Variants in CDH4 observed in about 807,000 individuals in gnomAD.
The protein encoded by CDH4 is cadherin 4, also known as cadherin-4.
In CDH4, 33 loss-of-function variants were observed where a neutral mutation model predicts 86.0. The ratio of observed to expected loss-of-function variants is 0.38; its 90% CI spans 0.29 to 0.51. The LOEUF (loss-of-function observed/expected upper bound fraction) is 0.51. Ranked by LOEUF, CDH4 falls within the 20% of genes least tolerant of loss-of-function variation. The pLI, the probability that CDH4 is intolerant of heterozygous loss-of-function variation, is 0.86. For missense variants in CDH4, 1,114 were observed against 1,307.4 expected (o/e 0.85, Z 2.28); for synonymous variants, 555 against 549.4 (o/e 1.01, Z -0.14).
At chr20:61,525,313 G>A (rs1487720521) in intron 2 of CDH4, among the ~76,000 whole-genome samples, 1 of 152,178 alleles carries the variant, frequency 6.6e-6, no homozygotes, top group Non-Finnish European at 1.5e-5. Flanking sequence ...GAGAAAGAGG[G>A]TCAGGAGGGG....
intron 2 of CDH4, among the ~76,000 whole-genome samples, chr20:61,312,694 C>T (rs1468009984): frequency 6.6e-6 from 1 of 152,098 alleles, no homozygotes; most frequent in Non-Finnish European, 1.5e-5. Context: ...TCTTTGCACA[C>T]GTCACTCCTT....
At chr20:61,657,058 C>CAGACGCCTGG (rs1462493411) in intron 2 of CDH4, among the ~76,000 whole-genome samples, 3 of 152,234 alleles carry the variant, frequency 2.0e-5, no homozygotes, top group Non-Finnish European at 4.4e-5. Context: ...TGGGCCAGAG[C>CAGACGCCTGG]AGACGCCTGG....
chr20:61,286,046 C>T (rs569687539), intron 2 of CDH4, among the ~76,000 whole-genome samples: 17 of 152,308 alleles, frequency 1.1e-4, no homozygotes, highest in East Asian at 3.9e-4. Flanking sequence ...TTAAGTATTG[C>T]GCTCTGGATG....
intron 2 of CDH4, among the ~76,000 whole-genome samples, chr20:61,539,977 G>T (rs568533187): frequency 2.0e-5 from 3 of 152,276 alleles, no homozygotes; most frequent in Middle Eastern, 3.4e-3. Context: ...GCTTCCCACC[G>T]TTCTCCTCCC....
In CDH4 at chr20:61,252,414, G is replaced by T; in HGVS notation, c.-100G>T. The T allele has an allele frequency of 6.6e-6, 3 of 457,922 alleles. No homozygotes were observed. The highest frequency in any genetic ancestry group is 8.5e-6 in the Non-Finnish European group (3 of 351,494). The allele number at this position is 457,922 out of a possible 1,614,324, so 28.4% of individuals were successfully genotyped here. ...GCAGGCGCGGGGGAGCGGCGGCGGC[G>T]GCGGCGATCGGAGCGGCGGCGGTGG... On this transcript the variant is annotated 5_prime_UTR_variant, in exon 1 of 16. Transcript: ENST00000614565. The surrounding 1 kb of genome is among the most constrained non-coding windows in gnomAD (Gnocchi z 4.4).
At chr20:61,604,528 C>T (rs757367862) in intron 2 of CDH4, among the ~76,000 whole-genome samples, 8 of 152,036 alleles carry the variant, frequency 5.3e-5, no homozygotes, top group Non-Finnish European at 1.2e-4. Flanking sequence ...AGGGTATTTT[C>T]AGCATTTCAA....
At chr20:61,634,586 G>T (rs1268577920) in intron 2 of CDH4, among the ~76,000 whole-genome samples, 6 of 152,238 alleles carry the variant, frequency 3.9e-5, no homozygotes, top group Non-Finnish European at 4.4e-5. Flanking sequence ...TGTGCCCATC[G>T]CAGCAATGTG....
At chr20:61,347,319 T>A (rs2123293048) in intron 2 of CDH4, among the ~76,000 whole-genome samples, 1 of 152,308 alleles carries the variant, frequency 6.6e-6, no homozygotes, top group South Asian at 2.1e-4. Flanking sequence ...GCCAACGTGG[T>A]TTTAGAAATA....
chr20:61,782,946 G>A (rs1184589858), intron 4 of CDH4, among the ~76,000 whole-genome samples: 7 of 152,126 alleles, frequency 4.6e-5, no homozygotes, highest in African/African-American at 1.7e-4. Context: ...TTAGCCGGCC[G>A]TGGTGGCACA....
intron 2 of CDH4, among the ~76,000 whole-genome samples, chr20:61,273,531 GGGAGTACCGTGTGCAGTTTGGA>G (rs1398363174): frequency 5.1e-5 from 7 of 138,150 alleles, no homozygotes; most frequent in Non-Finnish European, 7.8e-5. Context: ...TGCAGTTTAG[GGGAGTACCGTGTGCAGTTTGGA>G]GGAGTACCGT....
chr20:61,780,450 C>T (rs1568811603), intron 4 of CDH4, among the ~76,000 whole-genome samples: 1 of 152,214 alleles, frequency 6.6e-6, no homozygotes, highest in Non-Finnish European at 1.5e-5. Context: ...TCTGCACCCC[C>T]CACTAAACCT....
intron 2 of CDH4, among the ~76,000 whole-genome samples, chr20:61,506,160 ATCTT>A (rs912259494): frequency 7.2e-5 from 11 of 152,354 alleles, no homozygotes; most frequent in African/African-American, 2.4e-4. Flanking sequence ...ACAGAAATGA[ATCTT>A]TCTCAAAATG....
chr20:61,666,487 C>T (rs377321327), intron 2 of CDH4, among the ~76,000 whole-genome samples: 6 of 152,220 alleles, frequency 3.9e-5, no homozygotes, highest in East Asian at 3.8e-4. Context: ...CAGCCATGGG[C>T]TCAGGCGGAC....
At chr20:61,904,318 G>C (rs1307457295) in intron 8 of CDH4, among the ~76,000 whole-genome samples, 1 of 152,104 alleles carries the variant, frequency 6.6e-6, no homozygotes, top group South Asian at 2.1e-4. Flanking sequence ...ATGGAGCATG[G>C]GGGTCACCAG....
intron 2 of CDH4, among the ~76,000 whole-genome samples, chr20:61,381,138 A>G (rs1056361816): frequency 3.3e-5 from 5 of 152,210 alleles, no homozygotes; most frequent in South Asian, 2.1e-4. Context: ...GCCTGTATGG[A>G]GTAGTGATCT....
At chr20:61,507,963 G>T (rs1274431656) in intron 2 of CDH4, among the ~76,000 whole-genome samples, 1 of 152,220 alleles carries the variant, frequency 6.6e-6, no homozygotes, top group Non-Finnish European at 1.5e-5. Flanking sequence ...AATTTAAAAC[G>T]CCCATGACCC....
chr20:61,310,631 G>C (rs1311680515), intron 2 of CDH4, among the ~76,000 whole-genome samples: 4 of 152,254 alleles, frequency 2.6e-5, no homozygotes, highest in African/African-American at 9.6e-5. Flanking sequence ...GCCATGCACT[G>C]CCATGGGTCT....
chr20:61,872,639 G>A (rs1422811951), intron 6 of CDH4, among the ~76,000 whole-genome samples: 3 of 152,172 alleles, frequency 2.0e-5, no homozygotes, highest in South Asian at 2.1e-4. Flanking sequence ...CCGGGCACCC[G>A]AGCTTCCAGA....
intron 2 of CDH4, among the ~76,000 whole-genome samples, chr20:61,442,894 G>A (rs765139172): frequency 9.2e-5 from 14 of 152,204 alleles, no homozygotes; most frequent in Non-Finnish European, 1.3e-4. Context: ...TCACCCCATG[G>A]TGGGGGCTGC....
Sources: allele counts gnomAD v4.1 joint callset (sites outside exome capture counted in the v4.1 genomes callset), GRCh38; gene constraint gnomAD v4.1.1; non-coding constraint Gnocchi (gnomAD v3.1); transcripts MANE v1.5; gene names NCBI Gene and HGNC (gene_info 2026-07-23, HGNC 2026-07-21).